Variants in EGFL6 observed in about 807,000 individuals in gnomAD.
The protein encoded by EGFL6 is epidermal growth factor-like protein 6.
EGFL6 carries 42 observed loss-of-function variants against 43.1 expected under a neutral mutation model. That is an observed-to-expected ratio of 0.98 (90% CI 0.76 to 1.26). EGFL6 has a LOEUF of 1.26. Ranked by LOEUF, EGFL6 falls within the 50% of genes most tolerant of loss-of-function variation. The probability of loss-of-function intolerance (pLI) is 0.00; values close to 1 mark genes in which losing one functional copy is unlikely to be tolerated. For missense variants in EGFL6, 429 were observed against 427.8 expected (o/e 1.00, Z -0.02); for synonymous variants, 164 against 163.2 (o/e 1.01, Z -0.04).
intron 2 of EGFL6, 38 bp downstream of exon 2, chrX:13,589,706 G>C (rs1242278691): frequency 1.8e-6 from 2 of 1,116,690 alleles, no homozygotes; most frequent in African/African-American, 3.6e-5. Flanking sequence ...ACTTGGATCA[G>C]GGCCCTTAGG....
intron 1 of EGFL6, among the ~76,000 whole-genome samples, chrX:13,581,636 A>G (rs1202766909): frequency 1.8e-5 from 2 of 112,515 alleles, no homozygotes; most frequent in Non-Finnish European, 3.7e-5. Context: ...ATAAACAAAC[A>G]TACTAAGAAT....
intron 2 of EGFL6, among the ~76,000 whole-genome samples, chrX:13,593,300 G>A (rs1304229693): frequency 1.8e-5 from 2 of 111,597 alleles, no homozygotes; most frequent in African/African-American, 3.3e-5. Context: ...TGTGCAAGGC[G>A]TGGCATGATC....
chrX:13,615,357 A>AC (rs1166128417), intron 7 of EGFL6, among the ~76,000 whole-genome samples: 4 of 112,288 alleles, frequency 3.6e-5, no homozygotes, highest in Non-Finnish European at 5.6e-5. Context: ...GTGAGCTGAA[A>AC]CCCTTTCCTC....
At chrX:13,602,083 T>G (rs767529439) in intron 4 of EGFL6, among the ~76,000 whole-genome samples, 5 of 111,899 alleles carry the variant, frequency 4.5e-5, no homozygotes, top group Non-Finnish European at 7.5e-5. Context: ...TTATAATACA[T>G]TGGGTCTCTT....
At chrX:13,573,364 G>A (rs975659035) in intron 1 of EGFL6, among the ~76,000 whole-genome samples, 2 of 111,840 alleles carry the variant, frequency 1.8e-5, no homozygotes, top group Non-Finnish European at 3.8e-5. Flanking sequence ...TCTTCAAGCT[G>A]TAATTTGTGA....
chrX:13,618,206 C>T (rs367922023), intron 8 of EGFL6, among the ~76,000 whole-genome samples, 153 bp downstream of exon 8: 74 of 112,402 alleles, frequency 6.6e-4, no homozygotes, highest in Non-Finnish European at 7.0e-4. Context: ...TGTCTAGAAA[C>T]GAATACCTTC....
chrX:13,610,296 G>A (rs1316292810), intron 7 of EGFL6, among the ~76,000 whole-genome samples: 1 of 112,189 alleles, frequency 8.9e-6, no homozygotes. Flanking sequence ...AGTCCAGTGG[G>A]TGGAGGTTAC....
chrX:13,610,548 T>C (rs1408415541), intron 7 of EGFL6, among the ~76,000 whole-genome samples: 1 of 112,251 alleles, frequency 8.9e-6, no homozygotes, highest in Non-Finnish European at 1.9e-5. Flanking sequence ...AGAGATTGGC[T>C]GCCCAGGCAG....
At chrX:13,608,208 A>G (rs762456228) in intron 6 of EGFL6, 116 bp from the exon 7 acceptor site, 24 of 936,550 alleles carry the variant, frequency 2.6e-5, no homozygotes, top group Middle Eastern at 3.5e-4. Context: ...GTTCTCAGGC[A>G]ATGCTTGGTT....
chrX:13,626,895 A>C, intron 10 of EGFL6, 116 bp from the exon 11 acceptor site: 1 of 769,003 alleles, frequency 1.3e-6, no homozygotes, highest in Non-Finnish European at 1.9e-6. Flanking sequence ...AATGAAAAGG[A>C]CTTCAGCTTT....
intron 4 of EGFL6, among the ~76,000 whole-genome samples, chrX:13,602,095 C>T (rs1465709713): frequency 1.8e-5 from 2 of 111,745 alleles, no homozygotes; most frequent in Non-Finnish European, 3.8e-5. Flanking sequence ...GGGTCTCTTT[C>T]TGTATATCTA....
At chrX:13,617,194 G>T (rs183822372) in intron 7 of EGFL6, among the ~76,000 whole-genome samples, 2 of 112,089 alleles carry the variant, frequency 1.8e-5, no homozygotes. Context: ...GTTGACTGAG[G>T]TGAAAAAATT....
At chrX:13,606,672 A>G (rs2045662616) in intron 6 of EGFL6, among the ~76,000 whole-genome samples, 159 bp downstream of exon 6, 1 of 112,105 alleles carries the variant, frequency 8.9e-6, no homozygotes, top group African/African-American at 3.2e-5. Context: ...GGTGTCTGGC[A>G]TTTAGGGAAT....
At chrX:13,607,290 C>T (rs1374882004) in intron 6 of EGFL6, among the ~76,000 whole-genome samples, 3 of 110,994 alleles carry the variant, frequency 2.7e-5, no homozygotes, top group Non-Finnish European at 5.7e-5. Flanking sequence ...GCCCGTAACA[C>T]GTGTAACAAA....
chrX:13,599,851 G>A (rs1035709841), intron 3 of EGFL6, 124 bp from the exon 4 acceptor site: 1 of 637,312 alleles, frequency 1.6e-6, no homozygotes. Context: ...GAGAGAAGGT[G>A]GGTAAGTGGT....
At chrX:13,595,872 A>G (rs1424499760) in intron 3 of EGFL6, among the ~76,000 whole-genome samples, 1 of 109,686 alleles carries the variant, frequency 9.1e-6, no homozygotes, top group East Asian at 2.9e-4. Context: ...GGCACACACC[A>G]CCATGCCTGG....
At chrX:13,579,477 A>G (rs2045493410) in intron 1 of EGFL6, among the ~76,000 whole-genome samples, 1 of 111,390 alleles carries the variant, frequency 9.0e-6, no homozygotes, top group Admixed American at 9.5e-5. Flanking sequence ...GTACCATAGT[A>G]TCTCTGTCCA....
chrX:13,612,301 C>T (rs1202665861), intron 7 of EGFL6, among the ~76,000 whole-genome samples: 3 of 107,725 alleles, frequency 2.8e-5, no homozygotes, highest in Admixed American at 9.9e-5. Flanking sequence ...CATCTTGCAC[C>T]GCCCTTAATC....
intron 1 of EGFL6, among the ~76,000 whole-genome samples, chrX:13,589,193 G>T (rs2045549398): frequency 8.9e-6 from 1 of 112,040 alleles, no homozygotes; most frequent in Non-Finnish European, 1.9e-5. Flanking sequence ...TCTGGTCTGG[G>T]ACAAAGCCAC....
Sources: allele counts gnomAD v4.1 joint callset (sites outside exome capture counted in the v4.1 genomes callset), GRCh38; gene constraint gnomAD v4.1.1; transcripts MANE v1.5; gene names NCBI Gene and HGNC (gene_info 2026-07-23, HGNC 2026-07-21).